Variants in IAPP observed in about 807,000 individuals in gnomAD.
IAPP encodes the protein islet amyloid polypeptide, also known as Islet amyloid polypeptide (diabetes-associated peptide; amylin).
A neutral mutation model predicts 2.9 loss-of-function variants in IAPP; 4 were observed. The ratio of observed to expected loss-of-function variants is 1.39; its 90% CI spans 0.69 to 3.19. The LOEUF (loss-of-function observed/expected upper bound fraction) is 3.19. Ranked by LOEUF, IAPP falls within the 30% of genes most tolerant of loss-of-function variation. The pLI, the probability that IAPP is intolerant of heterozygous loss-of-function variation, is 0.01. For synonymous variants in IAPP, 40 were observed against 42.1 expected (o/e 0.95, Z 0.19); for missense variants, 114 against 105.3 (o/e 1.08, Z -0.36).
intron 1 of IAPP, among the ~76,000 whole-genome samples, chr12:21,356,253 G>A (rs1938355605): frequency 6.6e-6 from 1 of 151,740 alleles, no homozygotes; most frequent in African/African-American, 2.4e-5. Flanking sequence ...ATAAAGTCTG[G>A]TAATATTAAG....
At chr12:21,373,598 T>C (rs1435673153) in intron 2 of IAPP, 167 bp downstream of exon 2, 1 of 703,076 alleles carries the variant, frequency 1.4e-6, no homozygotes. Context: ...CTTTAAAGAA[T>C]AACACCAGTG....
intron 2 of IAPP, chr12:21,374,624 T>G (rs1482629014): frequency 1.4e-5 from 2 of 142,626 alleles, no homozygotes; most frequent in Non-Finnish European, 3.0e-5. Flanking sequence ...GACTGTAATT[T>G]TCTATTTGCT....
chr12:21,357,882 T>C (rs899764331), intron 1 of IAPP, among the ~76,000 whole-genome samples: 3 of 152,116 alleles, frequency 2.0e-5, no homozygotes, highest in African/African-American at 7.2e-5. Context: ...TATTGAGAAG[T>C]TTTTAAAATA....
At chr12:21,356,745 T>A (rs957534141) in intron 1 of IAPP, among the ~76,000 whole-genome samples, 8 of 152,176 alleles carry the variant, frequency 5.3e-5, no homozygotes, top group African/African-American at 1.7e-4. Flanking sequence ...ATTTAAATAA[T>A]AGTAGCTTAA....
At position 21,373,406 on chromosome 12, in the gene IAPP, C is replaced by A; in HGVS notation, c.55C>A (p.His19Asn). The A allele has an allele frequency of 1.2e-6, 2 of 1,612,954 alleles. No individual in the cohort carries two copies. The highest frequency in any genetic ancestry group is 8.5e-7 in the Non-Finnish European group (1 of 1,179,092). The part of the protein sequence containing the change: ...FLIVLSVALN[H>N]LKATPIESHQ... ...CATTGTGCTCTCTGTTGCATTGAAC[C>A]ATCTGAAAGCTACACCCATTGAAAG... Residue 19 changes from histidine to asparagine, a missense_variant, in exon 2 of 3, where the codon CAT (histidine) becomes AAT (asparagine). Transcript: ENST00000240652.
At chr12:21,374,734 T>G (rs1940062666) in intron 2 of IAPP, among the ~76,000 whole-genome samples, 1 of 152,206 alleles carries the variant, frequency 6.6e-6, no homozygotes, top group Non-Finnish European at 1.5e-5. Flanking sequence ...TATATCTGTT[T>G]ATATCTTGAT....
upstream of IAPP, among the ~76,000 whole-genome samples, chr12:21,368,859 G>GA (rs1326058144): frequency 6.6e-6 from 1 of 152,052 alleles, no homozygotes; most frequent in Non-Finnish European, 1.5e-5. Context: ...TGATAGAGAA[G>GA]AAAAGTGAGG....
chr12:21,376,639 G>C (rs931454713), intron 2 of IAPP, among the ~76,000 whole-genome samples: 1 of 151,696 alleles, frequency 6.6e-6, no homozygotes, highest in African/African-American at 2.4e-5. Context: ...TCTGTACTTA[G>C]GAAGAAATAT....
At chr12:21,378,014 GC>G (rs966688970) in intron 2 of IAPP, among the ~76,000 whole-genome samples, 1 of 152,088 alleles carries the variant, frequency 6.6e-6, no homozygotes, top group Non-Finnish European at 1.5e-5. Context: ...ACTGAGAAAT[GC>G]AACATTGACT....
intron 1 of IAPP, among the ~76,000 whole-genome samples, chr12:21,365,571 T>C (rs1210451786): frequency 6.6e-6 from 1 of 152,124 alleles, no homozygotes; most frequent in Middle Eastern, 3.2e-3. Context: ...CTAAAGAGCT[T>C]CTGCACATCA....
intron 2 of IAPP, among the ~76,000 whole-genome samples, chr12:21,375,406 A>G (rs1940119442): frequency 6.6e-6 from 1 of 152,206 alleles, no homozygotes; most frequent in African/African-American, 2.4e-5. Context: ...ATCTATGGGG[A>G]AAATGTGTCA....
At chr12:21,373,515 C>T (rs1220552144) in intron 2 of IAPP, 84 bp downstream of exon 2, 3 of 904,996 alleles carry the variant, frequency 3.3e-6, no homozygotes, top group Non-Finnish European at 3.7e-6. Flanking sequence ...ATAACTACAG[C>T]CTTAGATTTC....
intron 1 of IAPP, among the ~76,000 whole-genome samples, chr12:21,359,424 A>G (rs537011576): frequency 1.3e-5 from 2 of 152,308 alleles, no homozygotes; most frequent in African/African-American, 4.8e-5. Flanking sequence ...CAAACCTGAA[A>G]TCGCCTGGCT....
intron 1 of IAPP, among the ~76,000 whole-genome samples, chr12:21,361,131 C>A (rs184282184): frequency 6.6e-6 from 1 of 151,410 alleles, no homozygotes; most frequent in Admixed American, 6.6e-5. Context: ...TGGGAGGCAC[C>A]TCCCAGTAGG....
chr12:21,368,878 ATCT>A (rs992095877), upstream of IAPP, among the ~76,000 whole-genome samples: 13 of 152,278 alleles, frequency 8.5e-5, no homozygotes, highest in East Asian at 5.8e-4. Context: ...GGAGAGCTGA[ATCT>A]TCTTCTTCTA....
intron 1 of IAPP, among the ~76,000 whole-genome samples, chr12:21,362,272 A>G (rs1938966831): frequency 6.6e-6 from 1 of 152,190 alleles, no homozygotes; most frequent in African/African-American, 2.4e-5. Context: ...AGAATTTTCA[A>G]CCCAGAATTT....
Position 21,379,213 on chromosome 12 carries a change from T to A in IAPP, c.*787T>A, listed in dbSNP as rs1000122890. On this transcript the variant is annotated 3_prime_UTR_variant, in exon 3 of 3. Coordinates refer to ENST00000240652, the MANE Select transcript of IAPP (RefSeq NM_000415.3). ...CTGTTTTAAAAACAAAGAAATAAAA[T>A]CCTGCTCCTGACTCGGTCAAAATAT... The A allele has an allele frequency of 3.9e-5, 6 of 152,242 alleles. No homozygotes were observed. Among genetic ancestry groups the A allele is most frequent in the African/African-American group, 1.4e-4 (6 of 41,472 alleles). 9.4% of individuals were successfully genotyped at this position (152,242 alleles called of 1,614,324 possible).
rs1441837341 is a variant in IAPP at position 21,379,686 on chromosome 12, A to T, written c.*1260A>T. ...AGCTTTGGAAGTAGCATTAATTCAGATAAACTGCCATCATGCTGCGTTATG... is the reference window on the plus strand; with the variant it reads ...AGCTTTGGAAGTAGCATTAATTCAGTTAAACTGCCATCATGCTGCGTTATG... On this transcript the variant is annotated 3_prime_UTR_variant, in exon 3 of 3. Transcript: ENST00000240652. 1.8e-4 allele frequency: 28 copies of T among 152,202 alleles called. No homozygotes were observed. The allele number at this position is 152,202 out of a possible 1,614,324, so 9.4% of individuals were successfully genotyped here.
intron 1 of IAPP, among the ~76,000 whole-genome samples, chr12:21,365,401 T>A (rs1312573901): frequency 6.6e-6 from 1 of 152,068 alleles, no homozygotes; most frequent in African/African-American, 2.4e-5. Flanking sequence ...TCAGTTCAAG[T>A]GGGATTAAAG....
Sources: allele counts gnomAD v4.1 joint callset (sites outside exome capture counted in the v4.1 genomes callset), GRCh38; gene constraint gnomAD v4.1.1; transcripts MANE v1.5; gene names NCBI Gene and HGNC (gene_info 2026-07-23, HGNC 2026-07-21).